Variants in TRAT1 observed in about 807,000 individuals in gnomAD.
The protein encoded by TRAT1 is T-cell receptor-associated transmembrane adapter 1.
A neutral mutation model predicts 20.0 loss-of-function variants in TRAT1; 20 were observed. That is an observed-to-expected ratio of 1.00 (90% CI 0.70 to 1.45). The LOEUF is 1.45. TRAT1 is among the 40% of genes most tolerant of loss of function. TRAT1 has a pLI of 0.00. For synonymous variants in TRAT1, 77 were observed against 74.2 expected, an observed-to-expected ratio of 1.04 and a Z score of -0.20; for missense variants, 237 against 224.1, an observed-to-expected ratio of 1.06 and a Z score of -0.37.
chr3:108,844,247 T>C (rs757274254), intron 3 of TRAT1, among the ~76,000 whole-genome samples: 5 of 152,074 alleles, frequency 3.3e-5, no homozygotes, highest in African/African-American at 4.8e-5. Flanking sequence ...TCAACTAGTT[T>C]AATCTCATTT....
chr3:108,838,870 T>G, intron 2 of TRAT1, 64 bp from the exon 3 acceptor site: 1 of 1,291,748 alleles, frequency 7.7e-7, no homozygotes, highest in South Asian at 1.2e-5. Context: ...AGAACACACT[T>G]TAGAATATTT....
chr3:108,838,041 A>G (rs1945854816), intron 2 of TRAT1, among the ~76,000 whole-genome samples: 1 of 152,186 alleles, frequency 6.6e-6, no homozygotes, highest in Non-Finnish European at 1.5e-5. Flanking sequence ...ACTGAGATTC[A>G]TCACATAGTT....
intron 1 of TRAT1, among the ~76,000 whole-genome samples, chr3:108,828,377 A>G (rs1945761822): frequency 6.6e-6 from 1 of 152,152 alleles, no homozygotes; most frequent in Non-Finnish European, 1.5e-5. Context: ...AACAGTATGA[A>G]AGATAACCAA....
chr3:108,828,732 A>G (rs1225993546), intron 1 of TRAT1, among the ~76,000 whole-genome samples: 1 of 152,240 alleles, frequency 6.6e-6, no homozygotes, highest in Non-Finnish European at 1.5e-5. Context: ...TGAAGCAAAT[A>G]AGAAAGAACA....
intron 2 of TRAT1, among the ~76,000 whole-genome samples, chr3:108,835,108 C>T (rs1945827066): frequency 1.3e-5 from 2 of 152,216 alleles, no homozygotes; most frequent in Admixed American, 6.5e-5. Flanking sequence ...GAAATTATGG[C>T]ATCTTCACAT....
chr3:108,849,112 A>C, intron 4 of TRAT1, 54 bp from the exon 5 acceptor site: 1 of 1,411,610 alleles, frequency 7.1e-7, no homozygotes, highest in South Asian at 1.2e-5. Context: ...ATTTTTAATC[A>C]TACTAGTATT....
At chr3:108,849,028 A>G (rs759464992) in intron 4 of TRAT1, 138 bp from the exon 5 acceptor site, 3 of 719,256 alleles carry the variant, frequency 4.2e-6, no homozygotes, top group Non-Finnish European at 7.0e-6. Context: ...ACCTCTTTCT[A>G]TCTCCACCAA....
chr3:108,834,612 G>A (rs765365388), intron 2 of TRAT1, among the ~76,000 whole-genome samples: 1 of 152,184 alleles, frequency 6.6e-6, no homozygotes, highest in Non-Finnish European at 1.5e-5. Flanking sequence ...TGCCACTTGG[G>A]CTGTGAATGA....
In TRAT1 at chr3:108,849,308, T is replaced by C. The variant is rs1018570592; in HGVS notation, c.303+54T>C. The C allele has an allele frequency of 1.4e-5, 20 of 1,393,108 alleles. No individual in the cohort carries two copies. In the African/African-American group the frequency reaches 1.9e-4, roughly 13 times the overall value. 86.3% of individuals were successfully genotyped at this position (1,393,108 alleles called of 1,614,324 possible). The stretch of plus-strand genomic sequence containing the variant: ...GCACATTTCAAGAGCATAAGAGTAG[T>C]ACATTATGATACACATCTGAAATAG... On this transcript the variant is annotated intron_variant, in intron 5 of 5. Transcript: ENST00000295756.
At chr3:108,832,972 G>A (rs1268788682) in intron 2 of TRAT1, among the ~76,000 whole-genome samples, 1 of 152,144 alleles carries the variant, frequency 6.6e-6, no homozygotes, top group Non-Finnish European at 1.5e-5. Flanking sequence ...ACAACTCATT[G>A]TAAATAGGTT....
intron 3 of TRAT1, among the ~76,000 whole-genome samples, chr3:108,842,500 C>T (rs954680779): frequency 6.6e-6 from 1 of 152,164 alleles, no homozygotes; most frequent in African/African-American, 2.4e-5. Flanking sequence ...CCCAGTACCA[C>T]ATGTGTAACC....
chr3:108,852,795 C>T (rs1029289695), intron 5 of TRAT1, among the ~76,000 whole-genome samples: 79 of 152,168 alleles, frequency 5.2e-4, no homozygotes, highest in Non-Finnish European at 6.9e-4. Flanking sequence ...AATTGAGGTT[C>T]AGAATATTTT....
chr3:108,828,776 A>T (rs1945765558), intron 1 of TRAT1, among the ~76,000 whole-genome samples: 1 of 152,224 alleles, frequency 6.6e-6, no homozygotes, highest in African/African-American at 2.4e-5. Flanking sequence ...TCTGACTACA[A>T]CATGAAGTTC....
At chr3:108,842,679 C>A (rs1945905273) in intron 3 of TRAT1, among the ~76,000 whole-genome samples, 1 of 152,232 alleles carries the variant, frequency 6.6e-6, no homozygotes, top group Non-Finnish European at 1.5e-5. Context: ...TCACCTCTAG[C>A]TCCGTCACTG....
At chr3:108,843,193 C>G (rs1945910622) in intron 3 of TRAT1, among the ~76,000 whole-genome samples, 1 of 152,164 alleles carries the variant, frequency 6.6e-6, no homozygotes, top group African/African-American at 2.4e-5. Context: ...AATATATAAA[C>G]AGACTGTATT....
chr3:108,833,142 G>A (rs750116249), intron 2 of TRAT1, among the ~76,000 whole-genome samples: 4 of 152,184 alleles, frequency 2.6e-5, no homozygotes, highest in African/African-American at 4.8e-5. Flanking sequence ...GTGTTTGGTA[G>A]TTAAAAAAGC....
At chr3:108,832,653 A>T (rs1945805120) in intron 2 of TRAT1, among the ~76,000 whole-genome samples, 1 of 152,180 alleles carries the variant, frequency 6.6e-6, no homozygotes, top group Admixed American at 6.5e-5. Context: ...CCAAGACAAG[A>T]CCAGTAACCT....
intron 1 of TRAT1, among the ~76,000 whole-genome samples, chr3:108,830,209 A>G (rs1443331383): frequency 6.6e-6 from 1 of 152,218 alleles, no homozygotes; most frequent in African/African-American, 2.4e-5. Context: ...TTATTGTTTT[A>G]TCCCAACACA....
intron 3 of TRAT1, among the ~76,000 whole-genome samples, chr3:108,843,790 C>G (rs1467354906): frequency 6.6e-6 from 1 of 152,084 alleles, no homozygotes; most frequent in Non-Finnish European, 1.5e-5. Context: ...TTGCTGAGTC[C>G]CTCTGCAGCA....
Sources: allele counts gnomAD v4.1 joint callset (sites outside exome capture counted in the v4.1 genomes callset), GRCh38; gene constraint gnomAD v4.1.1; transcripts MANE v1.5; gene names NCBI Gene and HGNC (gene_info 2026-07-23, HGNC 2026-07-21).